The following ST8SIA1 variants were observed in gnomAD, a reference collection of about 807,000 sequenced individuals.
ST8SIA1 encodes the protein alpha-N-acetylneuraminide alpha-2,8-sialyltransferase.
ST8SIA1 carries 16 observed loss-of-function variants against 35.9 expected under a neutral mutation model. The observed-to-expected ratio is 0.45, with a 90% CI of 0.30 to 0.68. The LOEUF (loss-of-function observed/expected upper bound fraction) is 0.68. Among genes scored for constraint, ST8SIA1 ranks in the 30% least tolerant of loss-of-function variants. The pLI, the probability that ST8SIA1 is intolerant of heterozygous loss-of-function variation, is 0.09. For synonymous variants in ST8SIA1, 170 were observed against 169.6 expected, an observed-to-expected ratio of 1.00 and a Z score of -0.02; for missense variants, 383 against 453.6, an observed-to-expected ratio of 0.84 and a Z score of 1.41.
chr12:22,250,992 T>C (rs1865662780), intron 3 of ST8SIA1, among the ~76,000 whole-genome samples: 1 of 152,020 alleles, frequency 6.6e-6, no homozygotes, highest in Non-Finnish European at 1.5e-5. Flanking sequence ...ATATCCCATG[T>C]GGTTTCCTGA....
chr12:22,235,151 T>C (rs781013077), intron 4 of ST8SIA1, among the ~76,000 whole-genome samples: 1 of 152,156 alleles, frequency 6.6e-6, no homozygotes, highest in Non-Finnish European at 1.5e-5. Flanking sequence ...GATTTATAAA[T>C]GCAATAACAC....
At chr12:22,248,502 A>G (rs1341864065) in intron 4 of ST8SIA1, among the ~76,000 whole-genome samples, 1 of 152,110 alleles carries the variant, frequency 6.6e-6, no homozygotes, top group African/African-American at 2.4e-5. Context: ...TGCTCTCCCA[A>G]ATATGATTGA....
In ST8SIA1 at chr12:22,214,373, T is replaced by C. The variant is rs531295544; in HGVS notation, c.585-12335A>G. On this transcript the variant is annotated intron_variant, in intron 4 of 4. Coordinates refer to ENST00000396037, the MANE Select transcript of ST8SIA1 (RefSeq NM_003034.4). ...TCAATAGTAGAAATTACTATGAAAT[T>C]GATTTCATAGTAGAAATCAGTCTAG... Among the ~76,000 whole-genome samples the C allele has an allele frequency of 3.3e-5, 5 of 152,268 alleles. No individual in the cohort carries two copies. In the East Asian group the frequency reaches 9.7e-4, roughly 29 times the overall value.
chr12:22,290,737 C>T (rs1286083688), intron 1 of ST8SIA1, among the ~76,000 whole-genome samples: 3 of 152,186 alleles, frequency 2.0e-5, no homozygotes, highest in South Asian at 2.1e-4. Flanking sequence ...ATGGACTTCA[C>T]GTCCGTCTAA....
intron 1 of ST8SIA1, among the ~76,000 whole-genome samples, chr12:22,302,953 T>A (rs1046472502): frequency 6.6e-6 from 1 of 152,140 alleles, no homozygotes; most frequent in Non-Finnish European, 1.5e-5. Context: ...TCAATGGATG[T>A]CTTATGTCTC....
chr12:22,273,416 C>A (rs1400177957), intron 2 of ST8SIA1, among the ~76,000 whole-genome samples: 1 of 152,186 alleles, frequency 6.6e-6, no homozygotes, highest in Non-Finnish European at 1.5e-5. Context: ...AAGCCCCAGG[C>A]TCAGCCATAT....
chr12:22,328,061 C>T (rs1866704351), intron 1 of ST8SIA1, among the ~76,000 whole-genome samples: 1 of 152,168 alleles, frequency 6.6e-6, no homozygotes, highest in Non-Finnish European at 1.5e-5. Context: ...GGACAGAGGC[C>T]AGGGATGCTG....
intron 1 of ST8SIA1, among the ~76,000 whole-genome samples, chr12:22,303,617 C>T (rs1470805552): frequency 6.6e-6 from 1 of 152,058 alleles, no homozygotes; most frequent in Non-Finnish European, 1.5e-5. Flanking sequence ...AGTTGTTTTG[C>T]TTAACTGTTT....
intron 2 of ST8SIA1, among the ~76,000 whole-genome samples, chr12:22,271,686 G>A (rs1013612026): frequency 6.6e-6 from 1 of 152,138 alleles, no homozygotes; most frequent in South Asian, 2.1e-4. Flanking sequence ...TGTAAAATAC[G>A]AGAGCGCCAA....
intron 2 of ST8SIA1, among the ~76,000 whole-genome samples, chr12:22,279,518 C>A (rs1171646073): frequency 6.6e-6 from 1 of 152,288 alleles, no homozygotes. Context: ...CTGACCAGTA[C>A]CCTTGGAAGC....
chr12:22,320,992 A>G (rs1258176397), intron 1 of ST8SIA1, among the ~76,000 whole-genome samples: 1 of 112,642 alleles, frequency 8.9e-6, no homozygotes, highest in South Asian at 2.9e-4. Flanking sequence ...AGAAAGAAAG[A>G]AAGAAAGAAA....
intron 2 of ST8SIA1, among the ~76,000 whole-genome samples, chr12:22,265,642 T>C (rs554483190): frequency 1.3e-5 from 2 of 152,244 alleles, no homozygotes; most frequent in African/African-American, 4.8e-5. Context: ...CTTTAAGAGA[T>C]CAACATTTTC....
chr12:22,207,354 G>C (rs1565566682), intron 4 of ST8SIA1, among the ~76,000 whole-genome samples: 3 of 152,192 alleles, frequency 2.0e-5, no homozygotes, highest in Non-Finnish European at 4.4e-5. Flanking sequence ...AAGTGTATAG[G>C]GTAGACAGCC....
At chr12:22,285,718 A>G (rs2135815372) in intron 2 of ST8SIA1, among the ~76,000 whole-genome samples, 1 of 152,176 alleles carries the variant, frequency 6.6e-6, no homozygotes, top group East Asian at 1.9e-4. Context: ...CTAAAAATAC[A>G]AAACAGCTGG....
intron 1 of ST8SIA1, among the ~76,000 whole-genome samples, chr12:22,295,235 G>A (rs773717625): frequency 4.6e-5 from 7 of 152,162 alleles, no homozygotes; most frequent in Non-Finnish European, 7.3e-5. Context: ...CCTGAAGGAG[G>A]TGAAGAAGAA....
At chr12:22,218,003 G>A (rs1451087825) in intron 4 of ST8SIA1, among the ~76,000 whole-genome samples, 2 of 152,166 alleles carry the variant, frequency 1.3e-5, no homozygotes, top group African/African-American at 4.8e-5. Flanking sequence ...ACATGTGACT[G>A]ACATTCCAAA....
At chr12:22,251,344 A>G (rs1446148491) in intron 3 of ST8SIA1, among the ~76,000 whole-genome samples, 2 of 152,146 alleles carry the variant, frequency 1.3e-5, no homozygotes, top group Non-Finnish European at 2.9e-5. Context: ...GTCTTTTCAT[A>G]TTTACTGCCA....
chr12:22,294,783 A>G (rs1297017987), intron 1 of ST8SIA1, among the ~76,000 whole-genome samples: 1 of 152,216 alleles, frequency 6.6e-6, no homozygotes, highest in African/African-American at 2.4e-5. Flanking sequence ...TATTTGTTTT[A>G]TAATTTATTG....
At chr12:22,255,418 A>C (rs757490811) in intron 2 of ST8SIA1, 29 bp from the exon 3 acceptor site, 2 of 1,560,646 alleles carry the variant, frequency 1.3e-6, no homozygotes, top group African/African-American at 1.4e-5. Flanking sequence ...GCGGGTTTTC[A>C]CTGCAAAGAA....
Sources: gnomAD v4.1 joint callset for allele counts (sites outside exome capture counted in the v4.1 genomes callset) on GRCh38, gnomAD v4.1.1 for gene constraint, MANE v1.5 for transcripts, NCBI Gene and HGNC (gene_info 2026-07-23, HGNC 2026-07-21) for gene names.